Variants in RALGAPA2 observed in about 807,000 individuals in gnomAD.
RALGAPA2 encodes the protein Ral GTPase activating protein catalytic subunit alpha 2.
Under a neutral mutation model 230.4 loss-of-function variants are expected in RALGAPA2, and 139 were observed. The ratio of observed to expected loss-of-function variants is 0.60; its 90% CI spans 0.53 to 0.69. The LOEUF (loss-of-function observed/expected upper bound fraction) is 0.69. RALGAPA2 is among the 30% of genes least tolerant of loss of function. The pLI is 0.00. For missense variants in RALGAPA2, 2,163 were observed against 2,276.0 expected (o/e 0.95, Z 1.01); for synonymous variants, 847 against 837.8 (o/e 1.01, Z -0.19).
rs114799296 is a variant in RALGAPA2, at chr20:20,554,941, T to G, written c.3157-8109A>C. Among the ~76,000 whole-genome samples, 430 of 152,376 alleles carry G rather than the reference T, an allele frequency of 2.8e-3. 2 individuals carry two copies. Among genetic ancestry groups the G allele is most frequent in the African/African-American group, 9.9e-3 (411 of 41,582 alleles). ...GATTTTAATTTTGATGAATGATAAT[T>G]TATCCATTTTTCTTCTGTTGCTTGC... On this transcript the variant is annotated intron_variant, in intron 23 of 39. Transcript: ENST00000202677.
chr20:20,546,699 C>T lies in RALGAPA2; in HGVS notation c.3285+5G>A. The T allele has an allele frequency of 3.1e-6, 5 of 1,592,570 alleles. No individual in the cohort carries two copies. The highest frequency in any genetic ancestry group is 4.3e-6 in the Non-Finnish European group (5 of 1,173,202). ...AGCTGGGATGCTGAGCATTGTCATACTCACCGTCAAAATGTCTGTGCTAAG... is the reference window on the plus strand; with the variant it reads ...AGCTGGGATGCTGAGCATTGTCATATTCACCGTCAAAATGTCTGTGCTAAG... On this transcript the variant is annotated splice_donor_5th_base_variant and intron_variant, in intron 24 of 39. Transcript: ENST00000202677.
chr20:20,451,023 AG>A (rs1487806915), intron 37 of RALGAPA2, among the ~76,000 whole-genome samples: 1 of 152,220 alleles, frequency 6.6e-6, no homozygotes, highest in East Asian at 1.9e-4. Flanking sequence ...CTCAAACTCA[AG>A]GCAGTGAAAG....
rs8114404 is a variant in RALGAPA2, at chr20:20,536,646, C to T, written c.3414+10G>A. ...ACTAAACTTGAGATACAGTCAAATG[C>T]GTTATGTACCTTGACATCTTCAGTT... On this transcript the variant is annotated intron_variant, in intron 25 of 39. Coordinates refer to ENST00000202677, the MANE Select transcript of RALGAPA2 (RefSeq NM_020343.4). 1.3e-5 allele frequency: 21 copies of T among 1,609,482 alleles called. No individual in the cohort carries two copies. The highest frequency in any genetic ancestry group is 5.3e-5 in the African/African-American group (4 of 74,768).
At chr20:20,410,819 C>A (rs2122758693) in intron 38 of RALGAPA2, among the ~76,000 whole-genome samples, 2 of 152,298 alleles carry the variant, frequency 1.3e-5, no homozygotes, top group Middle Eastern at 3.4e-3. Context: ...TTCCTTGACG[C>A]CTCACCAGGA....
At chr20:20,511,545 G>A (rs539518090) in intron 32 of RALGAPA2, among the ~76,000 whole-genome samples, 1 of 152,286 alleles carries the variant, frequency 6.6e-6, no homozygotes, top group South Asian at 2.1e-4. Flanking sequence ...GACACAGATG[G>A]CTCTTTGGTG....
intron 23 of RALGAPA2, among the ~76,000 whole-genome samples, chr20:20,555,271 C>T (rs1190227019): frequency 1.3e-5 from 2 of 152,168 alleles, no homozygotes; most frequent in Non-Finnish European, 2.9e-5. Context: ...AATTCTATTC[C>T]ATTGATCTAT....
At chr20:20,529,296 A>G (rs1351223475) in intron 27 of RALGAPA2, among the ~76,000 whole-genome samples, 1 of 152,198 alleles carries the variant, frequency 6.6e-6, no homozygotes, top group African/African-American at 2.4e-5. Flanking sequence ...GGGAGGATTC[A>G]ACAGGACAAT....
intron 1 of RALGAPA2, among the ~76,000 whole-genome samples, chr20:20,706,715 T>C (rs1159228525): frequency 1.3e-5 from 2 of 152,228 alleles, no homozygotes; most frequent in Non-Finnish European, 2.9e-5. Context: ...TTTGTTTCTA[T>C]GTTATCATTC....
chr20:20,667,158 C>T (rs1461556975), intron 3 of RALGAPA2, among the ~76,000 whole-genome samples: 1 of 152,122 alleles, frequency 6.6e-6, no homozygotes, highest in Non-Finnish European at 1.5e-5. Context: ...GAGTGAAAAT[C>T]AGCCATTTGT....
At chr20:20,405,656 C>T (rs2059930024) in intron 38 of RALGAPA2, among the ~76,000 whole-genome samples, 1 of 152,170 alleles carries the variant, frequency 6.6e-6, no homozygotes, top group African/African-American at 2.4e-5. Flanking sequence ...CCTTTAAAAC[C>T]CTCGAGACCA....
chr20:20,511,542 A>G (rs1569454174), intron 32 of RALGAPA2, among the ~76,000 whole-genome samples: 1 of 152,168 alleles, frequency 6.6e-6, no homozygotes, highest in Non-Finnish European at 1.5e-5. Context: ...AGTGACACAG[A>G]TGGCTCTTTG....
At chr20:20,611,451 A>G (rs1386331578) in intron 13 of RALGAPA2, 25 bp from the exon 14 acceptor site, 9 of 1,606,054 alleles carry the variant, frequency 5.6e-6, no homozygotes, top group African/African-American at 1.3e-5. Flanking sequence ...ATAAAAGCTC[A>G]TATTAATAAT....
At chr20:20,491,253 G>C (rs939551503) in intron 36 of RALGAPA2, among the ~76,000 whole-genome samples, 2 of 151,960 alleles carry the variant, frequency 1.3e-5, no homozygotes, top group Non-Finnish European at 2.9e-5. Context: ...TTTTCTCCAT[G>C]CTCGTATGTA....
At chr20:20,434,791 A>G (rs1339357142) in intron 37 of RALGAPA2, among the ~76,000 whole-genome samples, 1 of 151,988 alleles carries the variant, frequency 6.6e-6, no homozygotes. Context: ...TAAAAACTAG[A>G]TGGGTGTGAT....
chr20:20,677,437 T>C (rs566521129), intron 2 of RALGAPA2, among the ~76,000 whole-genome samples: 1 of 152,078 alleles, frequency 6.6e-6, no homozygotes, highest in South Asian at 2.1e-4. Flanking sequence ...TAGCTCAACA[T>C]GTCTGGCTTA....
rs1340342358 is a variant in RALGAPA2, at chr20:20,477,857, G to C, written c.5368-4901C>G. ...TGCACCTCAGCCTCCCACAGTGCTG[G>C]GATAATAGGCATGAGCCACTGTGCC... is the stretch of plus-strand genomic sequence containing the variant. On this transcript the variant is annotated intron_variant, in intron 36 of 39. Transcript: ENST00000202677. Among the ~76,000 whole-genome samples the C allele has an allele frequency of 3.3e-5, 5 of 151,980 alleles. No homozygotes were observed. The East Asian group carries it at 9.7e-4, about 29-fold the overall frequency.
At chr20:20,524,659 AGTAG>A (rs2063146621) in intron 29 of RALGAPA2, 116 bp from the exon 30 acceptor site, 1 of 1,369,886 alleles carries the variant, frequency 7.3e-7, no homozygotes, top group Non-Finnish European at 9.9e-7. Flanking sequence ...GTGCTAGATA[AGTAG>A]GTAAGTAAAT....
chr20:20,548,074 A>G (rs1180959095), intron 23 of RALGAPA2, among the ~76,000 whole-genome samples: 1 of 152,148 alleles, frequency 6.6e-6, no homozygotes, highest in Non-Finnish European at 1.5e-5. Flanking sequence ...AACGTGACTT[A>G]TAGTTATACA....
chr20:20,415,072 C>A (rs1169804664), intron 37 of RALGAPA2, among the ~76,000 whole-genome samples: 1 of 152,220 alleles, frequency 6.6e-6, no homozygotes, highest in Non-Finnish European at 1.5e-5. Context: ...CTTTTAGTAG[C>A]CATAAAAAAC....
Sources: allele counts gnomAD v4.1 joint callset (sites outside exome capture counted in the v4.1 genomes callset), GRCh38; gene constraint gnomAD v4.1.1; transcripts MANE v1.5; gene names NCBI Gene and HGNC (gene_info 2026-07-23, HGNC 2026-07-21).